MACROD2: variants seen among roughly 807,000 people sequenced by gnomAD.
The protein encoded by MACROD2 is ADP-ribose glycohydrolase MACROD2.
Under a neutral mutation model 70.4 loss-of-function variants are expected in MACROD2, and 36 were observed. The ratio of observed to expected loss-of-function variants is 0.51; its 90% confidence interval spans 0.39 to 0.68. The LOEUF (loss-of-function observed/expected upper bound fraction) is 0.68. Ranked by LOEUF, MACROD2 falls within the 30% of genes least tolerant of loss-of-function variation. The probability of loss-of-function intolerance (pLI) is 0.00; values close to 1 mark genes in which losing one functional copy is unlikely to be tolerated. For missense variants in MACROD2, 496 were observed against 538.4 expected (o/e 0.92, Z 0.78); for synonymous variants, 172 against 178.8 (o/e 0.96, Z 0.30).
chr20:15,319,965 T>C (rs1461184907), intron 6 of MACROD2, among the ~76,000 whole-genome samples: 1 of 152,176 alleles, frequency 6.6e-6, no homozygotes, highest in Non-Finnish European at 1.5e-5. Context: ...TCCCAGCACT[T>C]TGGGAGACCG....
chr20:14,212,781 A>C (rs959555357), intron 3 of MACROD2, among the ~76,000 whole-genome samples: 6 of 151,330 alleles, frequency 4.0e-5, no homozygotes, highest in Non-Finnish European at 8.8e-5. Context: ...TATGGAGCTC[A>C]GCTCATAGTA....
intron 2 of MACROD2, among the ~76,000 whole-genome samples, chr20:14,054,438 A>G (rs1008285549): frequency 6.6e-6 from 1 of 152,076 alleles, no homozygotes; most frequent in African/African-American, 2.4e-5. Flanking sequence ...AAGCAGAGGT[A>G]GCTAGCACAC....
chr20:15,691,660 GCTC>G (rs2018269827), intron 8 of MACROD2, among the ~76,000 whole-genome samples: 2 of 152,146 alleles, frequency 1.3e-5, no homozygotes, highest in African/African-American at 4.8e-5. Context: ...GGTGCCTGGC[GCTC>G]ACTAGGGAGC....
At chr20:15,177,268 A>G (rs7268079) in intron 5 of MACROD2, among the ~76,000 whole-genome samples, 23,185 of 152,200 alleles carry the variant, frequency 0.15, 2,747 homozygotes, top group African/African-American at 0.33. Flanking sequence ...CATAGATCCC[A>G]TGACAATACT....
intron 5 of MACROD2, among the ~76,000 whole-genome samples, chr20:14,924,892 A>T (rs1600831745): frequency 1.3e-5 from 2 of 152,150 alleles, no homozygotes; most frequent in African/African-American, 4.8e-5. Context: ...GTACAAATCT[A>T]ATAAGATTTG....
At chr20:14,663,747 T>A (rs948454959) in intron 4 of MACROD2, among the ~76,000 whole-genome samples, 1 of 152,108 alleles carries the variant, frequency 6.6e-6, no homozygotes, top group Non-Finnish European at 1.5e-5. Context: ...TCATACCATA[T>A]GTAGTTACGC....
intron 3 of MACROD2, among the ~76,000 whole-genome samples, chr20:14,106,716 G>A (rs923897944): frequency 2.0e-5 from 3 of 152,126 alleles, no homozygotes; most frequent in African/African-American, 7.2e-5. Flanking sequence ...TCAGTTCCAG[G>A]TGGCTCAGCA....
At chr20:14,533,424 T>C (rs1223172633) in intron 4 of MACROD2, among the ~76,000 whole-genome samples, 1 of 152,224 alleles carries the variant, frequency 6.6e-6, no homozygotes, top group East Asian at 1.9e-4. Context: ...ACATGACTTA[T>C]GATTATACAT....
intron 3 of MACROD2, among the ~76,000 whole-genome samples, chr20:14,268,914 A>G (rs1407055008): frequency 1.3e-5 from 2 of 152,194 alleles, no homozygotes; most frequent in African/African-American, 4.8e-5. Flanking sequence ...AGGTAGATAA[A>G]TATCAACATC....
chr20:14,066,582 C>A (rs1373020192), intron 2 of MACROD2, among the ~76,000 whole-genome samples: 1 of 152,062 alleles, frequency 6.6e-6, no homozygotes, highest in Non-Finnish European at 1.5e-5. Context: ...AAACATATGA[C>A]CTATGTGTGT....
chr20:14,061,897 G>T (rs1465204311), intron 2 of MACROD2, among the ~76,000 whole-genome samples: 5 of 152,076 alleles, frequency 3.3e-5, no homozygotes, highest in Non-Finnish European at 7.4e-5. Flanking sequence ...ATAATTTGAG[G>T]AGTGGTCCTC....
intron 5 of MACROD2, among the ~76,000 whole-genome samples, chr20:15,136,899 A>G (rs6074847): frequency 0.9 from 122,069 of 136,118 alleles, 55,185 homozygotes; most frequent in East Asian, 1. Flanking sequence ...GTGGGCAAAG[A>G]ATATGAACAG....
chr20:15,360,657 A>G (rs1477698556), intron 6 of MACROD2, among the ~76,000 whole-genome samples: 1 of 152,120 alleles, frequency 6.6e-6, no homozygotes, highest in Non-Finnish European at 1.5e-5. Context: ...GTTTTCCAGC[A>G]TGCATGTACA....
chr20:15,683,172 A>G (rs547446811), intron 8 of MACROD2, among the ~76,000 whole-genome samples: 1 of 152,338 alleles, frequency 6.6e-6, no homozygotes, highest in East Asian at 1.9e-4. Context: ...TTCATTTATG[A>G]GCTGTATATA....
At chr20:14,883,149 G>C (rs1319589160) in intron 5 of MACROD2, among the ~76,000 whole-genome samples, 1 of 152,054 alleles carries the variant, frequency 6.6e-6, no homozygotes, top group Non-Finnish European at 1.5e-5. Context: ...TCATGTCTTT[G>C]GGTAGAGAAA....
At chr20:14,467,229 C>G (rs1208603539) in intron 3 of MACROD2, among the ~76,000 whole-genome samples, 1 of 152,184 alleles carries the variant, frequency 6.6e-6, no homozygotes, top group Non-Finnish European at 1.5e-5. Context: ...CAAGCCTGAG[C>G]AATGGCAGGC....
intron 5 of MACROD2, among the ~76,000 whole-genome samples, chr20:14,981,193 A>G (rs1342536831): frequency 5.9e-5 from 9 of 152,130 alleles, no homozygotes; most frequent in Non-Finnish European, 1.0e-4. Context: ...TAGCTAGTAT[A>G]TTCAGCTAAC....
At chr20:15,927,566 T>C (rs894436762) in intron 10 of MACROD2, among the ~76,000 whole-genome samples, 1 of 151,974 alleles carries the variant, frequency 6.6e-6, no homozygotes, top group African/African-American at 2.4e-5. Flanking sequence ...ACGTTCATGG[T>C]TATGTGTGTG....
At chr20:14,637,665 G>T (rs1984854896) in intron 4 of MACROD2, among the ~76,000 whole-genome samples, 1 of 152,050 alleles carries the variant, frequency 6.6e-6, no homozygotes, top group African/African-American at 2.4e-5. Flanking sequence ...TGTCATTTTT[G>T]AATTGGTGTC....
Sources: allele counts gnomAD v4.1 joint callset (sites outside exome capture counted in the v4.1 genomes callset), GRCh38; gene constraint gnomAD v4.1.1; transcripts MANE v1.5; gene names NCBI Gene and HGNC (gene_info 2026-07-23, HGNC 2026-07-21).